TCEA1: variants seen among roughly 807,000 people sequenced by gnomAD.
TCEA1 encodes transcription elongation factor A protein 1.
In TCEA1, 21 loss-of-function variants were observed where a neutral mutation model predicts 43.8. That is an observed-to-expected ratio of 0.48 (90% confidence interval 0.34 to 0.69). The LOEUF (loss-of-function observed/expected upper bound fraction) is 0.69, where lower values mean the gene tolerates loss of function less well. Ranked by LOEUF, TCEA1 falls within the 30% of genes least tolerant of loss-of-function variation. TCEA1 has a pLI of 0.01. For missense variants in TCEA1, 250 were observed against 365.1 expected (o/e 0.68, Z 2.57); for synonymous variants, 104 against 117.5 (o/e 0.88, Z 0.75).
chr8:53,995,006 G>T (rs780343187), intron 3 of TCEA1, among the ~76,000 whole-genome samples: 1 of 152,076 alleles, frequency 6.6e-6, no homozygotes, highest in Non-Finnish European at 1.5e-5. Context: ...TTTTAAAACT[G>T]GTGCCTGCCT....
At chr8:54,021,475 C>A (rs945470551) in intron 1 of TCEA1, 6 of 152,326 alleles carry the variant, frequency 3.9e-5, no homozygotes, top group East Asian at 1.9e-4. Context: ...AGGACAAAAC[C>A]CGCTTTTTAT....
At chr8:53,993,298 G>C (rs1039706916) in intron 4 of TCEA1, 1 of 155,940 alleles carries the variant, frequency 6.4e-6, no homozygotes, top group Non-Finnish European at 1.4e-5. Context: ...GCATGCAAAG[G>C]AGAATGAGAT....
chr8:54,000,347 G>A (rs1333622775), intron 2 of TCEA1, among the ~76,000 whole-genome samples: 3 of 152,096 alleles, frequency 2.0e-5, no homozygotes, highest in South Asian at 2.1e-4. Context: ...GAAGATAAAC[G>A]AGGATAAAAT....
At chr8:53,976,714 T>C (rs1803343394) in intron 8 of TCEA1, among the ~76,000 whole-genome samples, 1 of 152,202 alleles carries the variant, frequency 6.6e-6, no homozygotes, top group Non-Finnish European at 1.5e-5. Context: ...TACTTTCTAA[T>C]AGATGGCATT....
chr8:53,983,756 C>G (rs1275583189), intron 7 of TCEA1, among the ~76,000 whole-genome samples: 1 of 152,094 alleles, frequency 6.6e-6, no homozygotes, highest in Non-Finnish European at 1.5e-5. Flanking sequence ...AGTGTACTTG[C>G]AATTAAGAGA....
intron 3 of TCEA1, among the ~76,000 whole-genome samples, chr8:53,994,924 A>T (rs1804002874): frequency 6.6e-6 from 1 of 152,054 alleles, no homozygotes; most frequent in South Asian, 2.1e-4. Flanking sequence ...ACATAAAAAT[A>T]GGTTGAGTCA....
At chr8:53,983,079 G>A (rs189427927) in intron 7 of TCEA1, among the ~76,000 whole-genome samples, 4 of 152,258 alleles carry the variant, frequency 2.6e-5, no homozygotes, top group Admixed American at 2.0e-4. Flanking sequence ...GTCAGCAGCC[G>A]TCAACATCCA....
intron 3 of TCEA1, among the ~76,000 whole-genome samples, chr8:53,998,080 A>T (rs1247767277): frequency 6.6e-6 from 1 of 152,206 alleles, no homozygotes; most frequent in African/African-American, 2.4e-5. Context: ...GCCCATTATG[A>T]ATTTGATAAA....
chr8:53,998,255 T>C (rs1804130752), intron 3 of TCEA1, among the ~76,000 whole-genome samples: 2 of 152,220 alleles, frequency 1.3e-5, no homozygotes, highest in Admixed American at 6.5e-5. Flanking sequence ...TCACTGTCAA[T>C]TTCCTGGTTG....
intron 4 of TCEA1, among the ~76,000 whole-genome samples, chr8:53,992,937 A>G (rs1218160169): frequency 6.7e-6 from 1 of 150,324 alleles, no homozygotes; most frequent in African/African-American, 2.5e-5. Flanking sequence ...TCACATTTTA[A>G]GTTCTTATAA....
chr8:53,966,848 G>A lies in TCEA1; in HGVS notation c.*1256C>T, dbSNP rs927712167. 1.5e-5 allele frequency: 3 copies of A among 202,730 alleles called. No individual in the cohort carries two copies. The highest frequency in any genetic ancestry group is 2.0e-5 in the Non-Finnish European group (2 of 99,040). 12.6% of individuals were successfully genotyped at this position (202,730 alleles called of 1,614,324 possible). ...AAAGCATGTACTGAGGTCTTTCTAC[G>A]GGTGCCTGACAGAATGCAGATTCAG... On this transcript the variant is annotated 3_prime_UTR_variant, in exon 10 of 10. Transcript: ENST00000521604.
chr8:53,981,477 CTCTG>C (rs1207033230), intron 7 of TCEA1, among the ~76,000 whole-genome samples: 3 of 152,204 alleles, frequency 2.0e-5, no homozygotes, highest in Non-Finnish European at 4.4e-5. Flanking sequence ...GCTACCTCTA[CTCTG>C]TCTGTGTTCT....
At chr8:54,007,345 G>T (rs1331477970) in intron 2 of TCEA1, among the ~76,000 whole-genome samples, 1 of 152,060 alleles carries the variant, frequency 6.6e-6, no homozygotes, top group East Asian at 1.9e-4. Context: ...TTGTGTGTGT[G>T]TATTTTTTTC....
chr8:53,997,716 T>C (rs748337628), intron 3 of TCEA1, among the ~76,000 whole-genome samples: 3 of 152,218 alleles, frequency 2.0e-5, no homozygotes, highest in South Asian at 4.1e-4. Context: ...CTTAGCAACA[T>C]AGTGAGACTC....
intron 4 of TCEA1, among the ~76,000 whole-genome samples, chr8:53,990,331 C>T (rs1163843581): frequency 1.3e-5 from 2 of 151,198 alleles, no homozygotes; most frequent in Non-Finnish European, 1.5e-5. Flanking sequence ...CTTGAGCCAC[C>T]GTGCCAGGCC....
chr8:53,968,560 T>C (rs1372337071), intron 9 of TCEA1, among the ~76,000 whole-genome samples: 1 of 152,054 alleles, frequency 6.6e-6, no homozygotes, highest in African/African-American at 2.4e-5. Context: ...AAATGATCCA[T>C]CAGCTGGGCA....
chr8:53,979,147 C>G lies in TCEA1; in HGVS notation c.703G>C (p.Glu235Gln). Residue 235 changes from glutamate to glutamine, a missense_variant, in exon 8 of 10, where the codon GAG becomes CAG. Around this residue, in one of 4 missense-constraint regions of TCEA1, gnomAD observed 46 missense variants for 109.8 expected, o/e 0.42. Transcript: ENST00000521604. ...AEEMASDELK[E>Q]MRKNLTKEAI... ...TCTTTGGTCAAGTTTTTCCGCATCT[C>G]TTTCAGCTCATCACTAGCCATTTCC... 6.2e-7 allele frequency: 1 copy of G among 1,613,848 alleles called. No individual in the cohort carries two copies. The highest frequency in any genetic ancestry group is 8.5e-7 in the Non-Finnish European group (1 of 1,179,796).
intron 4 of TCEA1, chr8:53,993,466 T>C (rs1803945675): frequency 2.3e-6 from 1 of 437,688 alleles, no homozygotes; most frequent in African/African-American, 2.0e-5. Flanking sequence ...ACTTCTTATT[T>C]ATTCAATGTC....
At chr8:54,004,958 T>C (rs1804393142) in intron 2 of TCEA1, among the ~76,000 whole-genome samples, 1 of 151,926 alleles carries the variant, frequency 6.6e-6, no homozygotes, top group African/African-American at 2.4e-5. Flanking sequence ...CTTACAAAAC[T>C]AGCCGAATCT....
Sources: allele counts gnomAD v4.1 joint callset (sites outside exome capture counted in the v4.1 genomes callset), GRCh38; gene constraint gnomAD v4.1.1; regional missense constraint gnomAD v4.1.1; transcripts MANE v1.5; gene names NCBI Gene and HGNC (gene_info 2026-07-23, HGNC 2026-07-21).